ADK: variants seen among roughly 807,000 people sequenced by gnomAD.
ADK encodes N6,N6-dimethyladenosine kinase.
A neutral mutation model predicts 44.7 loss-of-function variants in ADK; 24 were observed. The observed-to-expected ratio is 0.54, with a 90% CI of 0.39 to 0.76. ADK has a LOEUF of 0.76. Among genes scored for constraint, ADK ranks in the 30% least tolerant of loss-of-function variants. The pLI is 0.00. For missense variants in ADK, 321 were observed against 425.1 expected (o/e 0.76, Z 2.15); for synonymous variants, 128 against 142.6 (o/e 0.90, Z 0.73).
intron 7 of ADK, among the ~76,000 whole-genome samples, chr10:74,559,032 C>T (rs1179047719): frequency 3.9e-5 from 6 of 152,218 alleles, no homozygotes; most frequent in Non-Finnish European, 7.3e-5. Flanking sequence ...TTCCCTGAAC[C>T]CAATAGGATG....
At chr10:74,394,357 T>C in intron 5 of ADK, 44 bp downstream of exon 5, 1 of 1,571,410 alleles carries the variant, frequency 6.4e-7, no homozygotes, top group Non-Finnish European at 8.7e-7. Context: ...TTGGCTATTT[T>C]AACACTGGTA....
intron 1 of ADK, among the ~76,000 whole-genome samples, chr10:74,159,060 C>T (rs530317036): frequency 2.6e-5 from 4 of 152,274 alleles, no homozygotes; most frequent in South Asian, 4.1e-4. Flanking sequence ...AGTTTTTGCT[C>T]TCATTTATGT....
intron 9 of ADK, among the ~76,000 whole-genome samples, chr10:74,635,338 C>A (rs1358246306): frequency 6.6e-6 from 1 of 152,180 alleles, no homozygotes; most frequent in Non-Finnish European, 1.5e-5. Context: ...AGTGCTGAAA[C>A]AAAACTGTCA....
chr10:74,266,431 C>T (rs563676320), intron 3 of ADK, among the ~76,000 whole-genome samples: 3 of 152,192 alleles, frequency 2.0e-5, no homozygotes, highest in Non-Finnish European at 4.4e-5. Context: ...GTGGCGGGCA[C>T]CTGTAATCCC....
At chr10:74,302,090 G>GGTTT (rs1840055915) in intron 3 of ADK, among the ~76,000 whole-genome samples, 2 of 17,034 alleles carry the variant, frequency 1.2e-4, no homozygotes, top group African/African-American at 5.1e-4. Context: ...TTTCTTTTCT[G>GGTTT]TTTTTTTTTT....
At position 74,467,117 on chromosome 10, in the gene ADK, A is replaced by G. The variant is rs545990283; in HGVS notation, c.556-58139A>G. Among the ~76,000 whole-genome samples the G allele has an allele frequency of 9.9e-5, 15 of 152,284 alleles. No individual in the cohort carries two copies. In the South Asian group the frequency reaches 3.1e-3, roughly 32 times the overall value. On this transcript the variant is annotated intron_variant, in intron 6 of 10. Coordinates refer to ENST00000539909, the MANE Select transcript of ADK (RefSeq NM_006721.4). ...GTTATTGATCCAGCAGTGTAATTATAACCATCTTTTTTTAAAATTATTTCT... is the reference window on the plus strand; with the variant it reads ...GTTATTGATCCAGCAGTGTAATTATGACCATCTTTTTTTAAAATTATTTCT...
intron 9 of ADK, among the ~76,000 whole-genome samples, chr10:74,642,605 A>G (rs72820512): frequency 0.048 from 7,330 of 152,080 alleles, 237 homozygotes; most frequent in Middle Eastern, 0.082. Context: ...CATCTTTACC[A>G]TATTCCCTCT....
intron 7 of ADK, among the ~76,000 whole-genome samples, chr10:74,584,322 G>A (rs998479823): frequency 6.6e-6 from 1 of 152,118 alleles, no homozygotes; most frequent in Non-Finnish European, 1.5e-5. Context: ...ACAATGCAAC[G>A]AAATAGGTAT....
chr10:74,222,166 A>G (rs1026264537), intron 2 of ADK, among the ~76,000 whole-genome samples: 2 of 152,114 alleles, frequency 1.3e-5, no homozygotes, highest in African/African-American at 4.8e-5. Flanking sequence ...AATTTACAAG[A>G]AAAAACAAAC....
At chr10:74,216,137 T>C (rs1192973317) in intron 2 of ADK, among the ~76,000 whole-genome samples, 1 of 152,218 alleles carries the variant, frequency 6.6e-6, no homozygotes, top group Non-Finnish European at 1.5e-5. Context: ...TGATGTATTT[T>C]ATGCATAAGT....
chr10:74,309,113 G>A (rs569414420), intron 3 of ADK, among the ~76,000 whole-genome samples: 164 of 152,100 alleles, frequency 1.1e-3, no homozygotes, highest in African/African-American at 3.8e-3. Context: ...TAGATAAGGA[G>A]AAAAATGACA....
chr10:74,225,156 C>G (rs1844486144), intron 3 of ADK, among the ~76,000 whole-genome samples: 1 of 152,214 alleles, frequency 6.6e-6, no homozygotes, highest in Admixed American at 6.5e-5. Flanking sequence ...CGGCTCATTG[C>G]AACCTCTCAT....
chr10:74,639,439 A>T (rs1853751155), intron 9 of ADK, among the ~76,000 whole-genome samples: 1 of 152,234 alleles, frequency 6.6e-6, no homozygotes, highest in Non-Finnish European at 1.5e-5. Flanking sequence ...GTTACATGAA[A>T]AATAAACTAA....
At position 74,605,228 on chromosome 10, in the gene ADK, C is replaced by G. The variant is rs567946978; in HGVS notation, c.877+4735C>G. On this transcript the variant is annotated intron_variant, in intron 9 of 10. Coordinates refer to ENST00000539909, the MANE Select transcript of ADK (RefSeq NM_006721.4). ...ACTTCCTCTCTTCCTATTTGAATAC[C>G]CTTTATTTCTTTCTCTTGCCTGATT... Among the ~76,000 whole-genome samples, 21 of 152,190 alleles carry G rather than the reference C, an allele frequency of 1.4e-4. 1 individual carries two copies. The highest frequency in any genetic ancestry group is 4.1e-4 in the South Asian group (2 of 4,822).
At chr10:74,504,881 A>G (rs1448296438) in intron 6 of ADK, among the ~76,000 whole-genome samples, 1 of 152,186 alleles carries the variant, frequency 6.6e-6, no homozygotes, top group Non-Finnish European at 1.5e-5. Context: ...AGCCATGCAG[A>G]ACTGTGAGTC....
At chr10:74,335,818 A>G (rs960513255) in intron 4 of ADK, among the ~76,000 whole-genome samples, 8 of 152,110 alleles carry the variant, frequency 5.3e-5, no homozygotes, top group Non-Finnish European at 8.8e-5. Context: ...CTATCTGTAT[A>G]TGTTCTTTGA....
chr10:74,390,838 A>G (rs964380696), intron 4 of ADK, among the ~76,000 whole-genome samples: 9 of 152,218 alleles, frequency 5.9e-5, no homozygotes, highest in Non-Finnish European at 2.9e-5. Flanking sequence ...TTTAGGCAAT[A>G]ATAGTACGTA....
chr10:74,430,479 G>A lies in ADK; in HGVS notation c.555+31900G>A, dbSNP rs575608068. Reference sequence around the variant, plus strand: ...TGTATGAACACCAATTTTTGGCTGGGCGTAATGGCTCACACCTGTAATCCC... The same window carrying A: ...TGTATGAACACCAATTTTTGGCTGGACGTAATGGCTCACACCTGTAATCCC... On this transcript the variant is annotated intron_variant, in intron 6 of 10. Transcript: ENST00000539909. Among the ~76,000 whole-genome samples, 13 of 152,190 alleles carry A rather than the reference G, an allele frequency of 8.5e-5. No homozygotes were observed. In the South Asian group the frequency reaches 2.7e-3, roughly 32 times the overall value.
chr10:74,664,567 G>A (rs1350776232), intron 9 of ADK, among the ~76,000 whole-genome samples: 2 of 152,172 alleles, frequency 1.3e-5, no homozygotes, highest in African/African-American at 2.4e-5. Flanking sequence ...ATGTGGCCAG[G>A]CATGGTGCCT....
Sources: allele counts gnomAD v4.1 joint callset (sites outside exome capture counted in the v4.1 genomes callset), GRCh38; gene constraint gnomAD v4.1.1; transcripts MANE v1.5; gene names NCBI Gene and HGNC (gene_info 2026-07-23, HGNC 2026-07-21).